The following ARHGAP24 variants were observed in gnomAD, a reference collection of about 807,000 sequenced individuals.
ARHGAP24 encodes rho GTPase-activating protein 24.
In ARHGAP24, 50 loss-of-function variants were observed where a neutral mutation model predicts 76.4. The ratio of observed to expected loss-of-function variants is 0.65; its 90% CI spans 0.52 to 0.83. The LOEUF is 0.83. ARHGAP24 is among the 40% of genes least tolerant of loss of function. ARHGAP24 has a pLI of 0.00. For synonymous variants in ARHGAP24, 345 were observed against 323.3 expected (o/e 1.07, Z -0.72); for missense variants, 930 against 914.2 (o/e 1.02, Z -0.22).
chr4:85,646,924 A>G (rs1160152214), intron 2 of ARHGAP24, among the ~76,000 whole-genome samples: 1 of 152,146 alleles, frequency 6.6e-6, no homozygotes, highest in Non-Finnish European at 1.5e-5. Flanking sequence ...TAATCATGAA[A>G]AAGACATTGA....
intron 3 of ARHGAP24, among the ~76,000 whole-genome samples, chr4:85,802,512 CTGGATA>C (rs569946642): frequency 3.4e-4 from 52 of 152,304 alleles, no homozygotes; most frequent in African/African-American, 1.2e-3. Context: ...ATAATACTTG[CTGGATA>C]TGGTGGCTCA....
chr4:85,643,411 AC>A (rs1185157238), intron 2 of ARHGAP24, among the ~76,000 whole-genome samples: 1 of 120,580 alleles, frequency 8.3e-6, no homozygotes, highest in Admixed American at 9.7e-5. Context: ...GGCGCCCGCC[AC>A]CGCGCCCGGC....
At chr4:85,862,774 G>A (rs1318783881) in intron 3 of ARHGAP24, among the ~76,000 whole-genome samples, 1 of 151,990 alleles carries the variant, frequency 6.6e-6, no homozygotes, top group African/African-American at 2.4e-5. Flanking sequence ...AATATTTGAT[G>A]GGATCTCATA....
At chr4:85,817,252 CT>C (rs1208561643) in intron 3 of ARHGAP24, among the ~76,000 whole-genome samples, 3 of 152,090 alleles carry the variant, frequency 2.0e-5, no homozygotes, top group Admixed American at 6.5e-5. Context: ...TACAGGGAAA[CT>C]TTTTAGTTTG....
intron 3 of ARHGAP24, among the ~76,000 whole-genome samples, chr4:85,735,103 T>C (rs535613594): frequency 6.6e-6 from 1 of 152,222 alleles, no homozygotes; most frequent in Admixed American, 6.5e-5. Flanking sequence ...TTGATTGTAC[T>C]GTTTTTATCT....
intron 3 of ARHGAP24, among the ~76,000 whole-genome samples, chr4:85,797,906 T>C (rs2110101478): frequency 6.6e-6 from 1 of 152,300 alleles, no homozygotes; most frequent in South Asian, 2.1e-4. Flanking sequence ...CTTGAATAAA[T>C]AGAGACACAA....
At chr4:85,528,318 A>C (rs1238777791) in intron 1 of ARHGAP24, among the ~76,000 whole-genome samples, 1 of 152,100 alleles carries the variant, frequency 6.6e-6, no homozygotes, top group Non-Finnish European at 1.5e-5. Context: ...AATATTAGCT[A>C]TGATTGCTAA....
intron 1 of ARHGAP24, among the ~76,000 whole-genome samples, chr4:85,549,642 G>T (rs1173546083): frequency 6.6e-6 from 1 of 152,092 alleles, no homozygotes; most frequent in African/African-American, 2.4e-5. Context: ...GTGTAAATGT[G>T]CAGGTGTGTT....
intron 2 of ARHGAP24, among the ~76,000 whole-genome samples, chr4:85,635,712 T>G (rs1372370507): frequency 6.6e-6 from 1 of 151,946 alleles, no homozygotes. Context: ...AAATCTAATT[T>G]CTATTTTATT....
At chr4:85,849,661 C>T (rs1299611901) in intron 3 of ARHGAP24, among the ~76,000 whole-genome samples, 2 of 152,084 alleles carry the variant, frequency 1.3e-5, no homozygotes, top group Non-Finnish European at 2.9e-5. Context: ...GCATGAAGGG[C>T]TGTTGCATTT....
intron 3 of ARHGAP24, among the ~76,000 whole-genome samples, chr4:85,747,984 G>T (rs763280194): frequency 3.9e-5 from 6 of 152,204 alleles, no homozygotes; most frequent in Non-Finnish European, 7.3e-5. Flanking sequence ...TTTTAACCTA[G>T]CAGCTTATAT....
At chr4:85,563,987 A>T (rs1726701765) in intron 1 of ARHGAP24, among the ~76,000 whole-genome samples, 1 of 152,210 alleles carries the variant, frequency 6.6e-6, no homozygotes, top group Admixed American at 6.5e-5. Flanking sequence ...CTGAGAAATG[A>T]TAAAAATAAA....
intron 5 of ARHGAP24, among the ~76,000 whole-genome samples, chr4:85,965,139 A>G (rs796479052): frequency 3.3e-5 from 5 of 152,258 alleles, no homozygotes; most frequent in African/African-American, 1.2e-4. Context: ...AAGAGGTTTC[A>G]TGGAGAACTC....
At chr4:85,721,168 G>C (rs1232173017) in intron 2 of ARHGAP24, among the ~76,000 whole-genome samples, 1 of 152,142 alleles carries the variant, frequency 6.6e-6, no homozygotes, top group Non-Finnish European at 1.5e-5. Flanking sequence ...AGCCGAGGCA[G>C]GTGGATCACC....
intron 3 of ARHGAP24, among the ~76,000 whole-genome samples, chr4:85,856,643 G>A (rs1731590309): frequency 6.6e-6 from 1 of 151,804 alleles, no homozygotes; most frequent in African/African-American, 2.4e-5. Context: ...GCTAATTTTT[G>A]TATTTTTAGT....
intron 3 of ARHGAP24, among the ~76,000 whole-genome samples, chr4:85,758,931 A>G (rs747380202): frequency 6.6e-5 from 10 of 152,220 alleles, no homozygotes; most frequent in Non-Finnish European, 4.4e-5. Context: ...TGAGGCTTGA[A>G]TATGAAAACT....
At chr4:85,943,623 A>G (rs1394631573) in intron 5 of ARHGAP24, among the ~76,000 whole-genome samples, 1 of 151,826 alleles carries the variant, frequency 6.6e-6, no homozygotes, top group African/African-American at 2.4e-5. Flanking sequence ...CCCCCACCCC[A>G]CAACAGGCCT....
At chr4:85,495,636 G>A (rs1283341171) in intron 1 of ARHGAP24, among the ~76,000 whole-genome samples, 1 of 152,126 alleles carries the variant, frequency 6.6e-6, no homozygotes, top group Non-Finnish European at 1.5e-5. Context: ...ACAGGCGTGA[G>A]CCACCGTGCC....
intron 5 of ARHGAP24, 50 bp downstream of exon 5, chr4:85,942,323 A>G: frequency 6.3e-7 from 1 of 1,591,662 alleles, no homozygotes; most frequent in Non-Finnish European, 8.6e-7. Context: ...TTCAGACTCA[A>G]CTGACAGGAT....
Sources: allele counts gnomAD v4.1 joint callset (sites outside exome capture counted in the v4.1 genomes callset), GRCh38; gene constraint gnomAD v4.1.1; transcripts MANE v1.5; gene names NCBI Gene and HGNC (gene_info 2026-07-23, HGNC 2026-07-21).